Variants in ZFYVE28 observed in about 807,000 individuals in gnomAD.
ZFYVE28 encodes lateral signaling target protein 2 homolog.
ZFYVE28 carries 40 observed loss-of-function variants against 82.1 expected under a neutral mutation model. That is an observed-to-expected ratio of 0.49 (90% CI 0.38 to 0.63). The LOEUF is 0.63. Ranked by LOEUF, ZFYVE28 falls within the 30% of genes least tolerant of loss-of-function variation. The probability of loss-of-function intolerance (pLI) is 0.00; values close to 1 mark genes in which losing one functional copy is unlikely to be tolerated. For missense variants in ZFYVE28, 1,321 were observed against 1,242.1 expected (o/e 1.06, Z -0.96); for synonymous variants, 612 against 546.1 (o/e 1.12, Z -1.68).
At chr4:2,391,096 G>A (rs563255122) in intron 1 of ZFYVE28, among the ~76,000 whole-genome samples, 3 of 152,210 alleles carry the variant, frequency 2.0e-5, no homozygotes, top group East Asian at 1.9e-4. Context: ...AACCCCAAGC[G>A]CCCTCCTAAA....
In ZFYVE28 at chr4:2,341,070, C is replaced by T. The variant is rs1201514416; in HGVS notation, c.318+408G>A. On this transcript the variant is annotated intron_variant, in intron 3 of 12. Coordinates refer to ENST00000290974, the MANE Select transcript of ZFYVE28 (RefSeq NM_020972.3). The surrounding 1 kb of genome is among the most constrained non-coding windows in gnomAD (Gnocchi z 4.5). ...GGGAGATGAAGATGAAGATGACAGG[C>T]TATTGCCACATGTGGCCTGCGTGGG... Among the ~76,000 whole-genome samples the T allele has an allele frequency of 6.6e-6, 1 of 152,068 alleles. No individual in the cohort carries two copies. Among genetic ancestry groups the T allele is most frequent in the African/African-American group, 2.4e-5 (1 of 41,398 alleles).
At position 2,372,540 on chromosome 4, in the gene ZFYVE28, C is replaced by G. The variant is rs1727677757; in HGVS notation, c.40-18467G>C. 6.6e-6 allele frequency among the ~76,000 whole-genome samples: 1 copy of G among 152,038 alleles called. No homozygotes were observed. The highest frequency in any genetic ancestry group is 1.5e-5 in the Non-Finnish European group (1 of 67,996). Reference sequence around the variant, plus strand: ...TAGCCCCTCCAGCACGGCACCATGCCCTATCACCCCATCATGTGGGAGGGG... The same window carrying G: ...TAGCCCCTCCAGCACGGCACCATGCGCTATCACCCCATCATGTGGGAGGGG... On this transcript the variant is annotated intron_variant, in intron 1 of 12. Transcript: ENST00000290974. The surrounding 1 kb of genome is among the most constrained non-coding windows in gnomAD (Gnocchi z 5.2).
chr4:2,399,051 A>AGCGTGGAGGTGAGATCCAGGGCACAG (rs1730843456), intron 1 of ZFYVE28, among the ~76,000 whole-genome samples: 1 of 125,132 alleles, frequency 8.0e-6, no homozygotes, highest in African/African-American at 3.3e-5. Flanking sequence ...CCAGGGCACA[A>AGCGTGGAGGTGAGATCCAGGGCACAG]GCGTGGAGGT....
chr4:2,347,476 T>C (rs1279852120), intron 2 of ZFYVE28, among the ~76,000 whole-genome samples: 2 of 152,220 alleles, frequency 1.3e-5, no homozygotes, highest in Non-Finnish European at 2.9e-5. Context: ...TGATTCCCGA[T>C]TGTATATGGA....
At chr4:2,275,010 C>T (rs1183321291) in intron 8 of ZFYVE28, among the ~76,000 whole-genome samples, 3 of 151,104 alleles carry the variant, frequency 2.0e-5, no homozygotes, top group Admixed American at 6.6e-5. Context: ...GAAACGAATA[C>T]AGGATCCCCC....
At chr4:2,367,589 G>T (rs192915566) in intron 1 of ZFYVE28, among the ~76,000 whole-genome samples, 31 of 152,268 alleles carry the variant, frequency 2.0e-4, no homozygotes, top group Non-Finnish European at 3.5e-4. Flanking sequence ...CAAGAACTGG[G>T]CTTGTTCCTT....
At chr4:2,302,780 A>G (rs973495070) in intron 8 of ZFYVE28, among the ~76,000 whole-genome samples, 2 of 152,266 alleles carry the variant, frequency 1.3e-5, no homozygotes, top group Non-Finnish European at 2.9e-5. Flanking sequence ...ATTCAGTCAT[A>G]AAAAGGAACG....
chr4:2,274,188 C>A lies in ZFYVE28; in HGVS notation c.2080G>T (p.Asp694Tyr), dbSNP rs777015136. Residue 694 changes from aspartate (D) to tyrosine (Y), a missense_variant, in exon 9 of 13, where the codon GAC becomes TAC. Physicochemically the swap from Asp to Tyr is radical, Grantham distance 160. Around this residue, in one of 2 missense-constraint regions of ZFYVE28, gnomAD observed 978 missense variants for 833.7 expected, o/e 1.17. Coordinates refer to ENST00000290974, the MANE Select transcript of ZFYVE28 (RefSeq NM_020972.3). The part of the protein sequence containing the change: ...SSSTAGSCSS[D>Y]KMGPEAAPAA... ...GGGGCCGCCTCTGGCCCCATCTTGT[C>A]TGAGGAGCAGGACCCAGCTGTGGAG... 1.9e-6 allele frequency: 3 copies of A among 1,613,820 alleles called. No individual in the cohort carries two copies. Among genetic ancestry groups the A allele is most frequent in the Admixed American group, 1.7e-5 (1 of 60,020 alleles).
chr4:2,354,616 G>A (rs1724966754), intron 1 of ZFYVE28, among the ~76,000 whole-genome samples: 1 of 152,022 alleles, frequency 6.6e-6, no homozygotes, highest in Admixed American at 6.5e-5. Context: ...CCGCTGTCAT[G>A]CCTGGATAAT....
chr4:2,349,274 T>A (rs1034809055), intron 2 of ZFYVE28, among the ~76,000 whole-genome samples: 2 of 148,882 alleles, frequency 1.3e-5, no homozygotes, highest in Non-Finnish European at 3.0e-5. Flanking sequence ...AAAGAAAATA[T>A]GCAAACACCG....
intron 5 of ZFYVE28, among the ~76,000 whole-genome samples, chr4:2,336,563 C>CT (rs1721723803): frequency 2.0e-5 from 1 of 49,988 alleles, no homozygotes; most frequent in Non-Finnish European, 6.6e-5. Flanking sequence ...CTTCCCCCTG[C>CT]CCCCCCCACT....
At chr4:2,330,418 G>GCACA (rs2108846467) in intron 6 of ZFYVE28, 1 of 1,044,494 alleles carries the variant, frequency 9.6e-7, no homozygotes, top group East Asian at 9.4e-5. Context: ...AGGACAGCAC[G>GCACA]GAAGAGGGGA....
rs1255475323 is a variant in ZFYVE28, at chr4:2,417,110, G to C, written c.39+1175C>G. 6.6e-6 allele frequency among the ~76,000 whole-genome samples: 1 copy of C among 152,232 alleles called. No homozygotes were observed. Among genetic ancestry groups the C allele is most frequent in the Non-Finnish European group, 1.5e-5 (1 of 68,038 alleles). On this transcript the variant is annotated intron_variant, in intron 1 of 12. Coordinates refer to ENST00000290974, the MANE Select transcript of ZFYVE28 (RefSeq NM_020972.3). The surrounding 1 kb of genome is among the most constrained non-coding windows in gnomAD (Gnocchi z 4.8). The stretch of plus-strand genomic sequence containing the variant: ...GGAGAAAGGCGGCCAGTGGAGGGAG[G>C]AGGGGTAGGTCGGCAACGCGGTGGC...
chr4:2,370,094 C>T (rs549467190), intron 1 of ZFYVE28, among the ~76,000 whole-genome samples: 2 of 151,764 alleles, frequency 1.3e-5, no homozygotes, highest in Non-Finnish European at 2.9e-5. Context: ...GTGATCCGCC[C>T]GCCTTAGCCT....
intron 1 of ZFYVE28, among the ~76,000 whole-genome samples, chr4:2,412,914 C>T (rs866220811): frequency 6.6e-5 from 10 of 152,302 alleles, no homozygotes; most frequent in Middle Eastern, 6.8e-3. Flanking sequence ...TTCCCTCCCC[C>T]GTCTGCCCTG....
In ZFYVE28 at chr4:2,341,695, G is replaced by A. The variant is rs767403546; in HGVS notation, c.181-80C>T. The A allele has an allele frequency of 7.4e-5, 114 of 1,537,814 alleles. No homozygotes were observed. Among genetic ancestry groups the A allele is most frequent in the Middle Eastern group, 1.7e-4 (1 of 5,782 alleles). ...CCATGTACTGCTGGAAAACACGCAC[G>A]GTGCATGTGACTGTTTTTTAGGATT... On this transcript the variant is annotated intron_variant, in intron 2 of 12. Transcript: ENST00000290974. The surrounding 1 kb of genome is among the most constrained non-coding windows in gnomAD (Gnocchi z 4.5).
rs777343128 is a variant in ZFYVE28, at chr4:2,304,947, C to A, written c.1393G>T (p.Ala465Ser). Residue 465 changes from alanine to serine, a missense_variant, in exon 8 of 13, where the codon GCC becomes TCC. By Grantham distance (99) the Ala-to-Ser change is moderately conservative. This residue lies in a region of ZFYVE28 where 978 missense variants were observed against 833.7 expected (regional missense o/e 1.17). Transcript: ENST00000290974. ...EEDLSNNNLE[A>S]EGTDGASLAG... Reference sequence around the variant, plus strand: ...AGGCTGGCCCCATCTGTGCCCTCGGCCTCGAGATTGTTGTTGCTCAAGTCC... The same window carrying A: ...AGGCTGGCCCCATCTGTGCCCTCGGACTCGAGATTGTTGTTGCTCAAGTCC... 2 of 1,612,586 alleles carry A rather than the reference C, an allele frequency of 1.2e-6. No homozygotes were observed. The highest frequency in any genetic ancestry group is 8.5e-7 in the Non-Finnish European group (1 of 1,179,880).
At chr4:2,319,904 G>A (rs1410228280) in intron 7 of ZFYVE28, among the ~76,000 whole-genome samples, 3 of 152,152 alleles carry the variant, frequency 2.0e-5, no homozygotes, top group African/African-American at 7.2e-5. Context: ...AGCTGTTGCT[G>A]TACCATGTCA....
chr4:2,320,082 G>A lies in ZFYVE28; in HGVS notation c.803+88C>T. The A allele has an allele frequency of 8.0e-7, 1 of 1,247,140 alleles. No homozygotes were observed. The highest frequency in any genetic ancestry group is 1.3e-5 in the South Asian group (1 of 77,288). The allele number at this position is 1,247,140 out of a possible 1,614,324, so 77.3% of individuals were successfully genotyped here. On this transcript the variant is annotated intron_variant, in intron 7 of 12. Transcript: ENST00000290974. The surrounding 1 kb of genome is among the most constrained non-coding windows in gnomAD (Gnocchi z 5.1). The stretch of plus-strand genomic sequence containing the variant: ...TTCCTCACAGAGAGGAGGAGGACCT[G>A]GAGGCGGCGGCTAAACATGACTTCA...
Sources: allele counts gnomAD v4.1 joint callset (sites outside exome capture counted in the v4.1 genomes callset), GRCh38; gene constraint gnomAD v4.1.1; regional missense constraint gnomAD v4.1.1; non-coding constraint Gnocchi (gnomAD v3.1); transcripts MANE v1.5; gene names NCBI Gene and HGNC (gene_info 2026-07-23, HGNC 2026-07-21).